Variants in PDXDC1 observed in about 807,000 individuals in gnomAD.
PDXDC1 encodes pyridoxal dependent decarboxylase domain containing 1.
PDXDC1 carries 42 observed loss-of-function variants against 100.1 expected under a neutral mutation model. The ratio of observed to expected loss-of-function variants is 0.42; its 90% confidence interval spans 0.33 to 0.54. The LOEUF is 0.54. PDXDC1 is among the 20% of genes least tolerant of loss of function. PDXDC1 has a pLI of 0.10. For synonymous variants in PDXDC1, 260 were observed against 371.7 expected (o/e 0.70, Z 3.46); for missense variants, 636 against 979.2 (o/e 0.65, Z 4.68).
At chr16:15,139,369 C>G (rs1445764407), downstream of PDXDC1, 1 of 49,368 alleles carries the variant, frequency 2.0e-5, no homozygotes, top group Admixed American at 2.4e-4. Context: ...AAATACACAA[C>G]TTCTACGCAA....
chr16:15,082,825 T>A (rs1334847065), intron 16 of PDXDC1, among the ~76,000 whole-genome samples: 1 of 152,168 alleles, frequency 6.6e-6, no homozygotes, highest in African/African-American at 2.4e-5. Context: ...CTGAACATTG[T>A]ACAAAAACTT....
intron 16 of PDXDC1, chr16:15,127,389 A>C (rs1251537649): frequency 2.7e-6 from 3 of 1,100,336 alleles, no homozygotes; most frequent in Non-Finnish European, 4.0e-6. Context: ...TGGCTGCAGC[A>C]CTGGAAAGTG....
chr16:14,993,346 T>C (rs1156776966), intron 1 of PDXDC1, among the ~76,000 whole-genome samples: 1 of 138,622 alleles, frequency 7.2e-6, no homozygotes, highest in Non-Finnish European at 1.5e-5. Flanking sequence ...CCTGTGTCCA[T>C]GTATTCTCAT....
intron 16 of PDXDC1, among the ~76,000 whole-genome samples, chr16:15,126,398 G>A (rs1377255229): frequency 1.0e-3 from 108 of 107,098 alleles, no homozygotes; most frequent in East Asian, 4.9e-3. Flanking sequence ...TTCCTGCCAC[G>A]GACTCGGGAG....
At chr16:15,083,627 A>G (rs776715383) in intron 16 of PDXDC1, 1 of 1,581,410 alleles carries the variant, frequency 6.3e-7, no homozygotes, top group Non-Finnish European at 8.6e-7. Flanking sequence ...TTTACTTTCT[A>G]GAAAAGGAAT....
intron 16 of PDXDC1, chr16:15,132,682 A>G: frequency 2.7e-6 from 2 of 748,758 alleles, no homozygotes; most frequent in Admixed American, 2.0e-5. Context: ...GTACCCTGGC[A>G]GGCATGCGGG....
chr16:15,020,792 T>C (rs1473041953), intron 12 of PDXDC1, among the ~76,000 whole-genome samples: 3 of 152,028 alleles, frequency 2.0e-5, no homozygotes, highest in African/African-American at 7.2e-5. Context: ...GAGACCGGCC[T>C]GGCCAACATG....
intron 16 of PDXDC1, among the ~76,000 whole-genome samples, chr16:15,056,657 G>T (rs2044536977): frequency 6.6e-6 from 1 of 152,110 alleles, no homozygotes; most frequent in South Asian, 2.1e-4. Context: ...ACTGGGCACG[G>T]TGGCATGCAC....
intron 1 of PDXDC1, among the ~76,000 whole-genome samples, chr16:14,986,809 C>T (rs1194353305): frequency 2.0e-5 from 3 of 152,256 alleles, no homozygotes; most frequent in Non-Finnish European, 2.9e-5. Context: ...TGCAGTGGCG[C>T]GTTCTTGGCT....
At chr16:15,085,585 T>A in intron 16 of PDXDC1, 1 of 1,594,118 alleles carries the variant, frequency 6.3e-7, no homozygotes, top group Non-Finnish European at 8.6e-7. Flanking sequence ...CCCAAAGTGC[T>A]GGGATTATGG....
At chr16:15,105,309 G>A (rs1462434472) in intron 16 of PDXDC1, among the ~76,000 whole-genome samples, 58 of 59,834 alleles carry the variant, frequency 9.7e-4, no homozygotes, top group African/African-American at 3.8e-3. Context: ...TAAGAAAACA[G>A]AGGTTTCCAG....
intron 16 of PDXDC1, chr16:15,127,866 C>A: frequency 6.4e-7 from 1 of 1,564,200 alleles, no homozygotes; most frequent in South Asian, 1.2e-5. Context: ...CAGCCACCAG[C>A]AGGCGCCGGA....
At chr16:15,122,026 A>C (rs1400030526) in intron 16 of PDXDC1, 11 of 283,914 alleles carry the variant, frequency 3.9e-5, no homozygotes, top group African/African-American at 1.1e-4. Context: ...AAAATACAAA[A>C]ATTAGCCAGG....
chr16:15,022,256 T>C (rs2042262741), intron 12 of PDXDC1, among the ~76,000 whole-genome samples: 1 of 152,298 alleles, frequency 6.6e-6, no homozygotes, highest in Non-Finnish European at 1.5e-5. Flanking sequence ...AACTGAAGCA[T>C]AGACAGGTTA....
At chr16:15,083,883 A>G (rs2045805802) in intron 16 of PDXDC1, 1 of 286,228 alleles carries the variant, frequency 3.5e-6, no homozygotes, top group African/African-American at 2.3e-5. Flanking sequence ...TGCCCAGCTA[A>G]TTTTGTATTT....
chr16:14,990,131 C>T (rs1179334170), intron 1 of PDXDC1: 6 of 1,455,812 alleles, frequency 4.1e-6, no homozygotes, highest in Non-Finnish European at 2.7e-6. Context: ...GCAGTCCCGG[C>T]AGCCCCTTGA....
At chr16:15,112,876 C>A (rs1288874526) in intron 16 of PDXDC1, among the ~76,000 whole-genome samples, 1 of 105,204 alleles carries the variant, frequency 9.5e-6, no homozygotes, top group Non-Finnish European at 2.0e-5. Flanking sequence ...AACAGCTCAA[C>A]TGAACTTTCC....
At chr16:15,071,054 T>A in intron 16 of PDXDC1, 1 of 1,403,356 alleles carries the variant, frequency 7.1e-7, no homozygotes, top group East Asian at 2.3e-5. Context: ...TATTTCTGAC[T>A]TGAGACAATG....
intron 16 of PDXDC1, chr16:15,132,690 G>T (rs1281361074): frequency 6.4e-6 from 5 of 787,142 alleles, no homozygotes; most frequent in African/African-American, 3.4e-5. Flanking sequence ...GCAGGCATGC[G>T]GGGCGGGGTG....
Sources: allele counts gnomAD v4.1 joint callset (sites outside exome capture counted in the v4.1 genomes callset), GRCh38; gene constraint gnomAD v4.1.1; transcripts MANE v1.5; gene names NCBI Gene and HGNC (gene_info 2026-07-23, HGNC 2026-07-21).